Variants in EML6 observed in about 807,000 individuals in gnomAD.
EML6 encodes echinoderm microtubule-associated protein-like 6.
In EML6, 154 loss-of-function variants were observed where a neutral mutation model predicts 240.1. The ratio of observed to expected loss-of-function variants is 0.64; its 90% CI spans 0.56 to 0.73. EML6 has a LOEUF of 0.73. Ranked by LOEUF, EML6 falls within the 30% of genes least tolerant of loss-of-function variation. The probability of loss-of-function intolerance (pLI) is 0.00; values close to 1 mark genes in which losing one functional copy is unlikely to be tolerated. For synonymous variants in EML6, 1,148 were observed against 899.0 expected, an observed-to-expected ratio of 1.28 and a Z score of -4.95; for missense variants, 2,964 against 2,474.6, an observed-to-expected ratio of 1.20 and a Z score of -4.20.
chr2:54,933,178 A>G (rs998573210), intron 28 of EML6, among the ~76,000 whole-genome samples: 5 of 152,200 alleles, frequency 3.3e-5, no homozygotes, highest in African/African-American at 1.2e-4. Flanking sequence ...AGTTCCCCCT[A>G]CAAATGTCTT....
At chr2:54,918,096 TTCTAAGA>T (rs1405390466) in intron 26 of EML6, among the ~76,000 whole-genome samples, 1 of 152,360 alleles carries the variant, frequency 6.6e-6, no homozygotes, top group African/African-American at 2.4e-5. Context: ...ACAATTGATT[TTCTAAGA>T]TCTGAGTACA....
chr2:54,946,265 C>G (rs1558714230), intron 28 of EML6, among the ~76,000 whole-genome samples: 1 of 152,178 alleles, frequency 6.6e-6, no homozygotes, highest in South Asian at 2.1e-4. Context: ...CTCTGCTCCT[C>G]CCACCTCCAG....
chr2:54,740,562 G>A (rs894631357), intron 2 of EML6, among the ~76,000 whole-genome samples: 6 of 152,146 alleles, frequency 3.9e-5, no homozygotes, highest in African/African-American at 1.4e-4. Flanking sequence ...ATAGCAATAC[G>A]AATGTCCAAG....
chr2:54,891,232 C>G (rs779521052), intron 18 of EML6, 78 bp downstream of exon 18: 5 of 679,084 alleles, frequency 7.4e-6, no homozygotes, highest in African/African-American at 5.3e-5. Context: ...CAAACTGTTG[C>G]TACTACCTCG....
rs190151276 is a variant in EML6, at chr2:54,870,369, A to G, written c.2238+1002A>G. On this transcript the variant is annotated intron_variant, in intron 15 of 41. Transcript: ENST00000356458. ...GTCCTCCAAAGGGTAAGGGCTGACC[A>G]TTGGTTTATACATGAATTTGCTGGC... 4.7e-5 allele frequency among the ~76,000 whole-genome samples: 7 copies of G among 149,474 alleles called. No individual in the cohort carries two copies. The South Asian group carries it at 6.3e-4, about 13-fold the overall frequency.
chr2:54,823,878 T>TCTCTCTCTCTCTCTCTCACTC (rs60937620), intron 5 of EML6, among the ~76,000 whole-genome samples: 1 of 129,124 alleles, frequency 7.7e-6, no homozygotes, highest in Non-Finnish European at 1.6e-5. Context: ...CTCTCTCTCT[T>TCTCTCTCTCTCTCTCTCACTC]TCTGTCTCTC....
chr2:54,865,127 C>G (rs1240043577), intron 13 of EML6, among the ~76,000 whole-genome samples: 1 of 152,078 alleles, frequency 6.6e-6, no homozygotes, highest in Admixed American at 6.5e-5. Flanking sequence ...AATTTAAACA[C>G]AATACAGAAT....
At chr2:54,934,909 A>G (rs1479223842) in intron 28 of EML6, among the ~76,000 whole-genome samples, 2 of 152,248 alleles carry the variant, frequency 1.3e-5, no homozygotes, top group African/African-American at 2.4e-5. Context: ...GGAAAGATAT[A>G]TCAATTAAAC....
chr2:54,908,241 A>C (rs1005419925), intron 24 of EML6, among the ~76,000 whole-genome samples: 4 of 146,284 alleles, frequency 2.7e-5, no homozygotes, highest in South Asian at 4.4e-4. Flanking sequence ...ACAGGGTCCC[A>C]CTCTGTCACC....
At chr2:54,919,248 C>T (rs75787747) in intron 26 of EML6, among the ~76,000 whole-genome samples, 1 of 142,458 alleles carries the variant, frequency 7.0e-6, no homozygotes, top group African/African-American at 2.5e-5. Context: ...TGCTTCCCCC[C>T]CCCCCCAATC....
At chr2:54,927,471 T>C (rs986468627) in intron 26 of EML6, among the ~76,000 whole-genome samples, 4 of 152,232 alleles carry the variant, frequency 2.6e-5, no homozygotes, top group African/African-American at 2.4e-5. Context: ...CTGTAAGGTA[T>C]TCCCTCGGAG....
intron 7 of EML6, among the ~76,000 whole-genome samples, chr2:54,842,009 C>G (rs1669485927): frequency 6.6e-6 from 1 of 152,152 alleles, no homozygotes; most frequent in Non-Finnish European, 1.5e-5. Flanking sequence ...CATAGCTTCC[C>G]TCACTATCAA....
At chr2:54,865,334 A>AAC (rs1670915544) in intron 13 of EML6, among the ~76,000 whole-genome samples, 1 of 151,116 alleles carries the variant, frequency 6.6e-6, no homozygotes, top group Non-Finnish European at 1.5e-5. Flanking sequence ...AAAAAAAAAA[A>AAC]AACTGCTGGG....
chr2:54,917,142 C>G (rs1330658292), intron 26 of EML6, among the ~76,000 whole-genome samples: 1 of 152,102 alleles, frequency 6.6e-6, no homozygotes, highest in Non-Finnish European at 1.5e-5. Context: ...CCTTGAAAGG[C>G]CTTCAGTGGT....
intron 2 of EML6, among the ~76,000 whole-genome samples, chr2:54,767,184 C>T (rs1668218083): frequency 6.6e-6 from 1 of 152,088 alleles, no homozygotes; most frequent in African/African-American, 2.4e-5. Flanking sequence ...TATTTTGACA[C>T]TGTTACAGCA....
chr2:54,942,252 A>G (rs1675468449), intron 28 of EML6, among the ~76,000 whole-genome samples: 2 of 152,222 alleles, frequency 1.3e-5, no homozygotes, highest in African/African-American at 2.4e-5. Flanking sequence ...TAGAAGCTTA[A>G]TGTGCCTAGG....
At chr2:54,820,590 C>A in intron 5 of EML6, 128 bp downstream of exon 5, 1 of 564,542 alleles carries the variant, frequency 1.8e-6, no homozygotes, top group Non-Finnish European at 3.1e-6. Context: ...GCCCTCTTAC[C>A]TGTTTCTCTG....
Position 54,863,809 on chromosome 2 carries a change from G to GAATCTGATTCAGATT in EML6, c.1853_1867dup (p.Asp622_Leu623insTer). Reference sequence around the variant, plus strand: ...AGGTGGAGCTGATTCCTACAGTGAAGAATCTGATTCAGATTTATCTGATGT... The same window carrying GAATCTGATTCAGATT: ...AGGTGGAGCTGATTCCTACAGTGAAGAATCTGATTCAGATTAATCTGATTCAGATTTATCTGATGT... On this transcript the variant is annotated stop_gained and inframe_insertion, in exon 13 of 42. Transcript: ENST00000356458. LOFTEE classifies it high-confidence loss of function. 1 of 1,548,378 alleles carries GAATCTGATTCAGATT rather than the reference G, an allele frequency of 6.5e-7. No homozygotes were observed. Among genetic ancestry groups the GAATCTGATTCAGATT allele is most frequent in the Non-Finnish European group, 8.7e-7 (1 of 1,144,776 alleles).
At chr2:54,915,992 A>T (rs1292113299) in intron 25 of EML6, among the ~76,000 whole-genome samples, 1 of 152,246 alleles carries the variant, frequency 6.6e-6, no homozygotes, top group Non-Finnish European at 1.5e-5. Flanking sequence ...CAGTCTTATC[A>T]GGATTTAACC....
Sources: allele counts gnomAD v4.1 joint callset (sites outside exome capture counted in the v4.1 genomes callset), GRCh38; gene constraint gnomAD v4.1.1; transcripts MANE v1.5; gene names NCBI Gene and HGNC (gene_info 2026-07-23, HGNC 2026-07-21).